Variants in MCF2L observed in about 807,000 individuals in gnomAD.
The protein encoded by MCF2L is guanine nucleotide exchange factor DBS.
In MCF2L, 97 loss-of-function variants were observed where a neutral mutation model predicts 153.4. That is an observed-to-expected ratio of 0.63 (90% CI 0.54 to 0.75). The LOEUF (loss-of-function observed/expected upper bound fraction) is 0.75, where lower values mean the gene tolerates loss of function less well. MCF2L is among the 30% of genes least tolerant of loss of function. The pLI, the probability that MCF2L is intolerant of heterozygous loss-of-function variation, is 0.00. For synonymous variants in MCF2L, 659 were observed against 632.2 expected (o/e 1.04, Z -0.64); for missense variants, 1,347 against 1,495.2 (o/e 0.90, Z 1.64).
At chr13:113,086,315 C>T (rs778010105) in intron 21 of MCF2L, 66 bp downstream of exon 21, 19 of 1,585,594 alleles carry the variant, frequency 1.2e-5, no homozygotes, top group Middle Eastern at 1.7e-4. Context: ...AGCAACTTGG[C>T]GGCCTCCCTG....
intron 3 of MCF2L, among the ~76,000 whole-genome samples, chr13:113,032,573 T>C (rs1382480649): frequency 6.6e-6 from 1 of 152,166 alleles, no homozygotes. Flanking sequence ...TTATATATTT[T>C]TTTTTCATGT....
intron 1 of MCF2L, among the ~76,000 whole-genome samples, chr13:112,971,102 G>A (rs2082024386): frequency 6.6e-6 from 1 of 152,220 alleles, no homozygotes. Context: ...CACGCTGTGT[G>A]AGGTACTGCT....
At chr13:113,078,512 C>A in intron 14 of MCF2L, 76 bp downstream of exon 14, 2 of 1,419,876 alleles carry the variant, frequency 1.4e-6, no homozygotes, top group Non-Finnish European at 2.0e-6. Context: ...CTCCGTGTGG[C>A]CCCCCCTCCC....
chr13:112,981,650 G>A (rs2082431029), intron 1 of MCF2L, among the ~76,000 whole-genome samples: 1 of 152,234 alleles, frequency 6.6e-6, no homozygotes, highest in Admixed American at 6.5e-5. Flanking sequence ...GCCTGAGACC[G>A]GATGACCACC....
chr13:112,897,908 C>T (rs1275573252), intron 1 of MCF2L, among the ~76,000 whole-genome samples: 2 of 152,164 alleles, frequency 1.3e-5, no homozygotes, highest in Admixed American at 6.5e-5. Flanking sequence ...CGCTCTGTGC[C>T]AGGGCCCAGC....
intron 1 of MCF2L, among the ~76,000 whole-genome samples, chr13:113,010,485 C>T (rs1253525109): frequency 6.6e-6 from 1 of 152,202 alleles, no homozygotes; most frequent in African/African-American, 2.4e-5. Flanking sequence ...GAGCCAAGGG[C>T]ACCTCTGCCC....
intron 1 of MCF2L, among the ~76,000 whole-genome samples, chr13:112,897,977 C>G (rs1484414643): frequency 1.4e-5 from 2 of 145,238 alleles, no homozygotes; most frequent in Non-Finnish European, 2.9e-5. Flanking sequence ...GCCCGTCCAG[C>G]CCCAGCCCCG....
chr13:113,049,940 C>A (rs1235798643), intron 4 of MCF2L, among the ~76,000 whole-genome samples: 1 of 152,128 alleles, frequency 6.6e-6, no homozygotes, highest in Non-Finnish European at 1.5e-5. Flanking sequence ...GTTCCTAAAA[C>A]CAGGCTCCCA....
rs116333384 is a variant in MCF2L, at chr13:112,905,795, G to A, written c.169+3424G>A. On this transcript the variant is annotated intron_variant, in intron 2 of 29. Transcript: ENST00000375608. ...TTTCTTCACACATTCATCCACGGAC[G>A]TTTGGGTCACAGCCGCCTCTGCTAT... 6.2e-3 allele frequency among the ~76,000 whole-genome samples: 947 copies of A among 152,286 alleles called. 7 individuals carry two copies. Among genetic ancestry groups the A allele is most frequent in the African/African-American group, 0.022 (904 of 41,544 alleles).
rs747284956 is a variant in MCF2L, at chr13:113,064,817, T to A, written c.607-119T>A. 8.7e-7 allele frequency: 1 copy of A among 1,146,074 alleles called. No homozygotes were observed. The highest frequency in any genetic ancestry group is 1.2e-6 in the Non-Finnish European group (1 of 815,136). 71.0% of individuals were successfully genotyped at this position (1,146,074 alleles called of 1,614,324 possible). On this transcript the variant is annotated intron_variant, in intron 6 of 29. Transcript: ENST00000535094. This position sits in a 1 kb window ranked among gnomAD's most constrained non-coding sequence, Gnocchi z 6.0. ...TGGGAGGGCGTTCACCGTCTTTGCG[T>A]CAGCCGGTCTCACCTGATGGGTCTG...
rs2084846733 is a variant in MCF2L, at chr13:113,020,985, A to G, written c.164-3659A>G. Among the ~76,000 whole-genome samples, 7 of 150,176 alleles carry G rather than the reference A, an allele frequency of 4.7e-5. No individual in the cohort carries two copies. The South Asian group carries it at 1.3e-3, about 27-fold the overall frequency. On this transcript the variant is annotated intron_variant, in intron 2 of 29. Transcript: ENST00000535094. ...TATATGTGTGTACTTGTAGATGTGT[A>G]TGTGTGTGTATGTGTAGCTGTGTAT...
chr13:113,013,292 C>T (rs934945641), intron 1 of MCF2L, among the ~76,000 whole-genome samples: 5 of 152,194 alleles, frequency 3.3e-5, no homozygotes, highest in African/African-American at 7.2e-5. Flanking sequence ...TGGTTGCGTA[C>T]TGGGAATGGG....
chr13:113,090,764 C>G, intron 26 of MCF2L: 8 of 985,448 alleles, frequency 8.1e-6, no homozygotes, highest in Non-Finnish European at 9.6e-6. Context: ...GGAGTGTTTT[C>G]CAATTTATAA....
intron 2 of MCF2L, among the ~76,000 whole-genome samples, chr13:112,918,957 G>T (rs920124836): frequency 6.6e-6 from 1 of 152,116 alleles, no homozygotes; most frequent in Non-Finnish European, 1.5e-5. Context: ...TCCCCGACGC[G>T]CGCCCCCTTC....
chr13:112,894,844 G>A, intron 1 of MCF2L, among the ~76,000 whole-genome samples: 1 of 151,928 alleles, frequency 6.6e-6, no homozygotes, highest in East Asian at 1.9e-4. Flanking sequence ...CTGCCAGAGC[G>A]ATGGGGGGCC....
intron 2 of MCF2L, among the ~76,000 whole-genome samples, chr13:112,922,834 C>G (rs2081366100): frequency 6.6e-6 from 1 of 152,232 alleles, no homozygotes; most frequent in Non-Finnish European, 1.5e-5. Context: ...GACTCCATCT[C>G]TACAAACAAA....
chr13:113,021,144 A>G (rs575623390), intron 2 of MCF2L, among the ~76,000 whole-genome samples: 12 of 152,242 alleles, frequency 7.9e-5, no homozygotes, highest in Non-Finnish European at 1.0e-4. Flanking sequence ...AGCTGTGTAT[A>G]CATGTGTGTG....
At chr13:112,994,207 G>GGAGCGC (rs1566703251) in intron 1 of MCF2L, among the ~76,000 whole-genome samples, 26 of 150,156 alleles carry the variant, frequency 1.7e-4, no homozygotes, top group African/African-American at 6.1e-4. Flanking sequence ...GGCTGCCAAC[G>GGAGCGC]GGGCACGGTG....
chr13:113,096,484 G>T lies in MCF2L; in HGVS notation c.3188+1G>T. ...TGCAGGAGGGCGACGAGGGCCTCTG[G>T]TAAGACCCCGCGCTCAGCCCCGGAC... is the stretch of plus-strand genomic sequence containing the variant. On this transcript the variant is annotated splice_donor_variant, in intron 28 of 29. Transcript: ENST00000535094. LOFTEE classifies it high-confidence loss of function. 1 of 1,585,948 alleles carries T rather than the reference G, an allele frequency of 6.3e-7. No homozygotes were observed.
Sources: allele counts gnomAD v4.1 joint callset (sites outside exome capture counted in the v4.1 genomes callset), GRCh38; gene constraint gnomAD v4.1.1; non-coding constraint Gnocchi (gnomAD v3.1); transcripts MANE v1.5; gene names NCBI Gene and HGNC (gene_info 2026-07-23, HGNC 2026-07-21).